Variants in TBL3 observed in about 807,000 individuals in gnomAD.
The protein encoded by TBL3 is transducin beta like 3, also known as transducin beta-like protein 3.
In TBL3, 71 loss-of-function variants were observed where a neutral mutation model predicts 102.7. That is an observed-to-expected ratio of 0.69 (90% CI 0.57 to 0.84). The LOEUF (loss-of-function observed/expected upper bound fraction) is 0.84, where lower values mean the gene tolerates loss of function less well. TBL3 is among the 40% of genes least tolerant of loss of function. TBL3 has a pLI of 0.00. For synonymous variants in TBL3, 578 were observed against 477.7 expected, an observed-to-expected ratio of 1.21 and a Z score of -2.74; for missense variants, 1,188 against 1,098.5, an observed-to-expected ratio of 1.08 and a Z score of -1.15.
At chr16:1,976,532 C>A (rs1225408959) in intron 13 of TBL3, among the ~76,000 whole-genome samples, 1 of 152,186 alleles carries the variant, frequency 6.6e-6, no homozygotes, top group East Asian at 1.9e-4. Context: ...GGGGGAAGGG[C>A]ATTAGGCAGA....
Position 1,978,866 on chromosome 16 carries a change from C to A in TBL3, c.*181C>A. ...GGCCCTGCCACGCCCATCCCGCACC[C>A]TGGCCTGGCAGAGATCCAGCCCGCG... is the stretch of plus-strand genomic sequence containing the variant. On this transcript the variant is annotated 3_prime_UTR_variant, in exon 22 of 22. Transcript: ENST00000568546. 1 of 1,094,244 alleles carries A rather than the reference C, an allele frequency of 9.1e-7. No individual in the cohort carries two copies. The highest frequency in any genetic ancestry group is 1.3e-6 in the Non-Finnish European group (1 of 775,526). 67.8% of individuals were successfully genotyped at this position (1,094,244 alleles called of 1,614,324 possible).
In TBL3 at chr16:1,977,182, C is replaced by A; in HGVS notation, c.1569C>A (p.Gly523=). Reference sequence around the variant, plus strand: ...GTGTCTTCTCAGGCCACCGGCGTGGCCTCTGGTGCGTCCAGTTCTCTCCCA... The same window carrying A: ...GTGTCTTCTCAGGCCACCGGCGTGGACTCTGGTGCGTCCAGTTCTCTCCCA... ...LLGVFSGHRR[G]LWCVQFSPMD... The change falls in exon 15 of 22, where the codon GGC becomes GGA. Residue 523 remains glycine, a synonymous_variant. Transcript: ENST00000568546. 1 of 1,613,166 alleles carries A rather than the reference C, an allele frequency of 6.2e-7. No individual in the cohort carries two copies. The highest frequency in any genetic ancestry group is 8.5e-7 in the Non-Finnish European group (1 of 1,179,994).
intron 1 of TBL3, among the ~76,000 whole-genome samples, chr16:1,972,811 C>G (rs1030538008): frequency 9.2e-5 from 14 of 152,162 alleles, no homozygotes; most frequent in Non-Finnish European, 1.9e-4. Flanking sequence ...CTGGCAGCAC[C>G]GTCGTGGGAG....
At position 1,978,677 on chromosome 16, in the gene TBL3, C is replaced by A. The variant is rs1410283660; in HGVS notation, c.2419C>A (p.Leu807Met). 5.6e-6 allele frequency: 9 copies of A among 1,607,878 alleles called. No homozygotes were observed. The highest frequency in any genetic ancestry group is 7.7e-6 in the Non-Finnish European group (9 of 1,176,192). Residue 807 changes from leucine (L) to methionine (M), a missense_variant, in exon 22 of 22, where the codon CTG becomes ATG. Coordinates refer to ENST00000568546, the MANE Select transcript of TBL3 (RefSeq NM_006453.3). ...PTPWETHKGALP is the reference protein window; with the variant it reads ...PTPWETHKGAMP ...CCCCTGGGAAACCCATAAAGGCGCA[C>A]TGCCCTAGCCGGTCCGGCCTCTCTC... is the stretch of plus-strand genomic sequence containing the variant.
At position 1,980,240 on chromosome 16, in the gene TBL3, G is replaced by C; in HGVS notation, c.*1555G>C. ...GCGGATGGGGAGGGTGAAACTGGGGGCGCCACCCCGGCAAGACCGCCAGCC... is the reference window on the plus strand; with the variant it reads ...GCGGATGGGGAGGGTGAAACTGGGGCCGCCACCCCGGCAAGACCGCCAGCC... On this transcript the variant is annotated 3_prime_UTR_variant, in exon 22 of 22. Transcript: ENST00000568546. 1.3e-6 allele frequency: 2 copies of C among 1,532,800 alleles called. No individual in the cohort carries two copies. The highest frequency in any genetic ancestry group is 1.8e-6 in the Non-Finnish European group (2 of 1,139,216). The allele number at this position is 1,532,800 out of a possible 1,614,324, so 94.9% of individuals were successfully genotyped here.
In TBL3 at chr16:1,975,693, C is replaced by T. The variant is rs2083395315; in HGVS notation, c.970C>T (p.Leu324=). Residue 324 remains leucine (L), a synonymous_variant, in exon 10 of 22, where the codon CTG becomes TTG. Coordinates refer to ENST00000568546, the MANE Select transcript of TBL3 (RefSeq NM_006453.3). ...HNLLLYEARS[L]RLQKQFAGYS... ...CCTGTTGCTCTACGAGGCTCGCTCC[C>T]TGCGGCTGCAGAAACAGGTGCACAC... 3 of 1,611,808 alleles carry T rather than the reference C, an allele frequency of 1.9e-6. No individual in the cohort carries two copies. In the South Asian group the frequency reaches 3.3e-5, roughly 18 times the overall value.
rs747105242 is a variant in TBL3 at position 1,975,574 on chromosome 16, C to G, written c.851C>G (p.Thr284Arg). 53 of 1,598,892 alleles carry G rather than the reference C, an allele frequency of 3.3e-5. No individual in the cohort carries two copies. Among genetic ancestry groups the G allele is most frequent in the Non-Finnish European group, 4.0e-5 (47 of 1,178,976 alleles). ...WEAASGQCVY[T>R]QAQPPGPGQE... ...GCAGCTTCTGGGCAGTGTGTGTACA[C>G]GCAGGCCCAGCCGCCGGGCCCTGGG... Residue 284 changes from threonine to arginine, a missense_variant, in exon 10 of 22, where the codon ACG (threonine) becomes AGG (arginine). Physicochemically the swap from Thr to Arg is moderately conservative, Grantham distance 71. Coordinates refer to ENST00000568546, the MANE Select transcript of TBL3 (RefSeq NM_006453.3).
At chr16:1,977,324 T>C in intron 15 of TBL3, 32 bp from the exon 16 acceptor site, 1 of 1,613,284 alleles carries the variant, frequency 6.2e-7, no homozygotes, top group East Asian at 2.2e-5. Flanking sequence ...CCCGCCCTGG[T>C]GACATCTCAT....
At position 1,981,315 on chromosome 16, in the gene TBL3, T is replaced by C; in HGVS notation, c.*2630T>C. The C allele has an allele frequency of 6.9e-7, 1 of 1,459,260 alleles. No individual in the cohort carries two copies. The allele number at this position is 1,459,260 out of a possible 1,614,324, so 90.4% of individuals were successfully genotyped here. A position where few individuals can be genotyped will look rare whatever the true frequency, so the allele number is the denominator to read the frequency against. The stretch of plus-strand genomic sequence containing the variant: ...CAACACCTCAAGCCTGTGGGGTCCT[T>C]GTGGAGCCGCCCCAGCTGAGTCCTT... On this transcript the variant is annotated 3_prime_UTR_variant, in exon 22 of 22. Transcript: ENST00000568546.
chr16:1,980,929 G>A lies in TBL3; in HGVS notation c.*2244G>A. 1 of 1,610,944 alleles carries A rather than the reference G, an allele frequency of 6.2e-7. No homozygotes were observed. Among genetic ancestry groups the A allele is most frequent in the Non-Finnish European group, 8.5e-7 (1 of 1,178,690 alleles). ...CCACCGCGGCATCAGGGTGGCCCAGGGTCACTCACCTTGAGCTGCCTGAAT... is the reference window on the plus strand; with the variant it reads ...CCACCGCGGCATCAGGGTGGCCCAGAGTCACTCACCTTGAGCTGCCTGAAT... On this transcript the variant is annotated 3_prime_UTR_variant, in exon 22 of 22. Coordinates refer to ENST00000568546, the MANE Select transcript of TBL3 (RefSeq NM_006453.3).
rs769744860 is a variant in TBL3 at position 1,974,112 on chromosome 16, C to T, written c.93+5C>T. ...TACAAGGGCGGAAAAGCACAGGTAC[C>T]AGCCTGGGGAAGGGCAGTGGGGCGG... On this transcript the variant is annotated splice_donor_5th_base_variant and intron_variant, in intron 2 of 21. Coordinates refer to ENST00000568546, the MANE Select transcript of TBL3 (RefSeq NM_006453.3). 1.9e-6 allele frequency: 3 copies of T among 1,586,358 alleles called. No individual in the cohort carries two copies. Among genetic ancestry groups the T allele is most frequent in the East Asian group, 2.3e-5 (1 of 44,238 alleles).
In TBL3 at chr16:1,974,127, C is replaced by G; in HGVS notation, c.93+20C>G. 4 of 1,579,316 alleles carry G rather than the reference C, an allele frequency of 2.5e-6. No individual in the cohort carries two copies. Among genetic ancestry groups the G allele is most frequent in the Non-Finnish European group, 3.5e-6 (4 of 1,158,268 alleles). ...GCACAGGTACCAGCCTGGGGAAGGG[C>G]AGTGGGGCGGGCAGCCAGAGGCCGC... On this transcript the variant is annotated intron_variant, in intron 2 of 21. Coordinates refer to ENST00000568546, the MANE Select transcript of TBL3 (RefSeq NM_006453.3).
intron 13 of TBL3, 59 bp from the exon 14 acceptor site, chr16:1,976,755 C>A: frequency 6.3e-7 from 1 of 1,596,382 alleles, no homozygotes; most frequent in South Asian, 1.1e-5. Context: ...CTGTGGGGAG[C>A]TGGCCATCAG....
intron 13 of TBL3, 65 bp from the exon 14 acceptor site, chr16:1,976,749 G>T: frequency 6.3e-7 from 1 of 1,591,614 alleles, no homozygotes; most frequent in South Asian, 1.1e-5. Flanking sequence ...CTGGCCCTGT[G>T]GGGAGCTGGC....
chr16:1,976,989 T>A, intron 14 of TBL3, 28 bp downstream of exon 14: 1 of 1,612,660 alleles, frequency 6.2e-7, no homozygotes, highest in Non-Finnish European at 8.5e-7. Context: ...GGGGTGGGGG[T>A]GTGGCCAAGC....
intron 5 of TBL3, 35 bp downstream of exon 5, chr16:1,974,714 A>G (rs1390696370): frequency 6.2e-7 from 1 of 1,612,050 alleles, no homozygotes; most frequent in Non-Finnish European, 8.5e-7. Context: ...TCGTGGGCAC[A>G]GATGCAGGGG....
At position 1,979,671 on chromosome 16, in the gene TBL3, C is replaced by T. The variant is rs2083457584; in HGVS notation, c.*986C>T. 2 of 1,183,136 alleles carry T rather than the reference C, an allele frequency of 1.7e-6. No individual in the cohort carries two copies. Among genetic ancestry groups the T allele is most frequent in the East Asian group, 2.5e-5 (1 of 39,534 alleles). 73.3% of individuals were successfully genotyped at this position (1,183,136 alleles called of 1,614,324 possible). ...CGCTCTAAGACCGGTTCGGGGCTTCCTCTAGGTGCGGAGACCAAGCACGGG... is the reference window on the plus strand; with the variant it reads ...CGCTCTAAGACCGGTTCGGGGCTTCTTCTAGGTGCGGAGACCAAGCACGGG... On this transcript the variant is annotated 3_prime_UTR_variant, in exon 22 of 22. Transcript: ENST00000568546.
At position 1,980,973 on chromosome 16, in the gene TBL3, A is replaced by C. The variant is rs745479950; in HGVS notation, c.*2288A>C. 3 of 1,613,180 alleles carry C rather than the reference A, an allele frequency of 1.9e-6. No homozygotes were observed. The highest frequency in any genetic ancestry group is 2.2e-5 in the South Asian group (2 of 91,090). On this transcript the variant is annotated 3_prime_UTR_variant, in exon 22 of 22. Transcript: ENST00000568546. ...CCTGAATTCGTCCCAACTCCTGCGC[A>C]CGAAGGTGTCGCTGCCGTCTGACCA...
In TBL3 at chr16:1,978,398, G is replaced by A. The variant is rs143011019; in HGVS notation, c.2220G>A (p.Arg740=). The A allele has an allele frequency of 1.9e-6, 3 of 1,611,626 alleles. No homozygotes were observed. Among genetic ancestry groups the A allele is most frequent in the Non-Finnish European group, 2.5e-6 (3 of 1,179,104 alleles). ...EAQAVLGVLL[R]REAPEELLAY... is the part of the protein sequence containing the mutation. ...AGGCCGTGCTGGGTGTGCTCTTGAG[G>A]CGAGAGGCCCCCGAGGAGCTGCTGG... is the stretch of plus-strand genomic sequence containing the variant. Residue 740 remains arginine (R), a synonymous_variant, in exon 21 of 22, where the codon AGG becomes AGA. Coordinates refer to ENST00000568546, the MANE Select transcript of TBL3 (RefSeq NM_006453.3).
Sources: allele counts gnomAD v4.1 joint callset (sites outside exome capture counted in the v4.1 genomes callset), GRCh38; gene constraint gnomAD v4.1.1; transcripts MANE v1.5; gene names NCBI Gene and HGNC (gene_info 2026-07-23, HGNC 2026-07-21).